The following RPH3AL variants were observed in gnomAD, a reference collection of about 807,000 sequenced individuals.
RPH3AL encodes the protein rab effector Noc2.
In RPH3AL, 38 loss-of-function variants were observed where a neutral mutation model predicts 43.1. The ratio of observed to expected loss-of-function variants is 0.88; its 90% CI spans 0.68 to 1.15. The LOEUF (loss-of-function observed/expected upper bound fraction) is 1.15. RPH3AL is among the 50% of genes most tolerant of loss of function. The pLI, the probability that RPH3AL is intolerant of heterozygous loss-of-function variation, is 0.00. For synonymous variants in RPH3AL, 189 were observed against 176.3 expected (o/e 1.07, Z -0.57); for missense variants, 462 against 423.2 (o/e 1.09, Z -0.81).
At position 345,197 on chromosome 17, in the gene RPH3AL, T is replaced by C. The variant is rs1396698233; in HGVS notation, c.-213+7515A>G. The stretch of plus-strand genomic sequence containing the variant: ...GGGAGGCTGAGGTAGGAGGGTCACC[T>C]GAGCCTGGGGAGGTTAAGCCTGCAG... On this transcript the variant is annotated intron_variant, in intron 1 of 9. Coordinates refer to ENST00000331302, the MANE Select transcript of RPH3AL (RefSeq NM_006987.4). 1.5e-5 allele frequency among the ~76,000 whole-genome samples: 2 copies of C among 135,434 alleles called. 1 individual carries two copies. The highest frequency in any genetic ancestry group is 3.4e-5 in the Non-Finnish European group (2 of 59,302). The allele number at this position is 135,434 out of a possible 152,430, so 88.8% of individuals were successfully genotyped here.
At chr17:336,647 C>T (rs931694002) in intron 1 of RPH3AL, among the ~76,000 whole-genome samples, 4 of 152,212 alleles carry the variant, frequency 2.6e-5, no homozygotes, top group Non-Finnish European at 5.9e-5. Flanking sequence ...CCAGGTCAGG[C>T]CGTGTGATTC....
intron 5 of RPH3AL, among the ~76,000 whole-genome samples, chr17:305,231 G>A (rs1336166259): frequency 6.6e-6 from 1 of 151,970 alleles, no homozygotes; most frequent in Non-Finnish European, 1.5e-5. Context: ...AACAGCCAGA[G>A]GTACAACCTC....
Position 247,020 on chromosome 17 carries a change from C to T in RPH3AL, c.613+91G>A, listed in dbSNP as rs547114740. 1,098 of 1,381,160 alleles carry T rather than the reference C, an allele frequency of 7.9e-4. 1 individual carries two copies. The highest frequency in any genetic ancestry group is 1.1e-3 in the Non-Finnish European group (1,054 of 977,738). The allele number at this position is 1,381,160 out of a possible 1,614,324, so 85.6% of individuals were successfully genotyped here. A position where few individuals can be genotyped will look rare whatever the true frequency, so the allele number is the denominator to read the frequency against. On this transcript the variant is annotated intron_variant, in intron 7 of 9. Coordinates refer to ENST00000331302, the MANE Select transcript of RPH3AL (RefSeq NM_006987.4). ...GAATGAGCCTCGTGGATGGAGGGTG[C>T]GGGGGACTGGCCTTGTGCCTGCAAA...
At chr17:320,782 C>T (rs983307710) in intron 4 of RPH3AL, among the ~76,000 whole-genome samples, 9 of 152,258 alleles carry the variant, frequency 5.9e-5, no homozygotes, top group Non-Finnish European at 1.3e-4. Flanking sequence ...GAATTGCTTT[C>T]GTAATTAAAC....
intron 5 of RPH3AL, among the ~76,000 whole-genome samples, chr17:315,607 G>GTAGTCCCTGTACCCC (rs2044005576): frequency 8.7e-6 from 1 of 115,136 alleles, no homozygotes; most frequent in Admixed American, 9.6e-5. Context: ...CACCTCCACT[G>GTAGTCCCTGTACCCC]AACTCTAGTC....
At position 264,472 on chromosome 17, in the gene RPH3AL, G is replaced by A. The variant is rs1193164291; in HGVS notation, c.439-17187C>T. 6.7e-6 allele frequency among the ~76,000 whole-genome samples: 1 copy of A among 149,414 alleles called. No homozygotes were observed. The highest frequency in any genetic ancestry group is 6.7e-5 in the Admixed American group (1 of 14,954). Reference sequence around the variant, plus strand: ...AGGATTACCCTTCGGAGCCGCGAGCGCTGGATGGGGACTCAGAATCCGCAG... The same window carrying A: ...AGGATTACCCTTCGGAGCCGCGAGCACTGGATGGGGACTCAGAATCCGCAG... On this transcript the variant is annotated intron_variant, in intron 6 of 9. Transcript: ENST00000331302. This position sits in a 1 kb window ranked among gnomAD's most constrained non-coding sequence, Gnocchi z 4.8.
Position 244,902 on chromosome 17 carries a change from C to G in RPH3AL, c.613+2209G>C, listed in dbSNP as rs1555539107. On this transcript the variant is annotated intron_variant, in intron 7 of 9. Transcript: ENST00000331302. ...GCGAGTGTGTGTGCGTGTGAATCAG[C>G]ATGTAAGCTACTGTGTGCATGAGTG... Among the ~76,000 whole-genome samples the G allele has an allele frequency of 7.3e-5, 11 of 151,502 alleles. 1 individual carries two copies.
rs782203873 is a variant in RPH3AL, at chr17:262,311, C to T, written c.439-15026G>A. ...TCGGCTCACTGCAACCTCCGCCTCC[C>T]GGGTTCAAGCAATTCTGCCTCAGCC... On this transcript the variant is annotated intron_variant, in intron 6 of 9. Transcript: ENST00000331302. Among the ~76,000 whole-genome samples the T allele has an allele frequency of 1.0e-3, 159 of 152,148 alleles. 1 individual carries two copies. Among genetic ancestry groups the T allele is most frequent in the Non-Finnish European group, 4.4e-4 (30 of 68,004 alleles).
At chr17:350,605 T>C (rs575388898) in intron 1 of RPH3AL, among the ~76,000 whole-genome samples, 2 of 151,958 alleles carry the variant, frequency 1.3e-5, no homozygotes, top group Non-Finnish European at 1.5e-5. Flanking sequence ...CAAGACCCCA[T>C]CTCAAAAAAA....
At chr17:299,001 G>A (rs114754294) in intron 5 of RPH3AL, among the ~76,000 whole-genome samples, 2,078 of 151,688 alleles carry the variant, frequency 0.014, 47 homozygotes, top group African/African-American at 0.048. Context: ...TGAGGGCCTC[G>A]GATACCACGT....
chr17:318,227 C>A (rs767798628), intron 5 of RPH3AL, among the ~76,000 whole-genome samples: 1 of 151,844 alleles, frequency 6.6e-6, no homozygotes. Context: ...TACTAAAATT[C>A]AAAAATTAGC....
In RPH3AL at chr17:286,906, CG is replaced by C. The variant is rs1567615398; in HGVS notation, c.352-5053del. Among the ~76,000 whole-genome samples, 18 of 143,814 alleles carry C rather than the reference CG, an allele frequency of 1.3e-4. 4 individuals are homozygous for C. The highest frequency in any genetic ancestry group is 4.2e-4 in the East Asian group (2 of 4,816). The allele number at this position is 143,814 out of a possible 152,430, so 94.3% of individuals were successfully genotyped here. A position where few individuals can be genotyped will look rare whatever the true frequency, so the allele number is the denominator to read the frequency against. On this transcript the variant is annotated intron_variant, in intron 5 of 9. Transcript: ENST00000331302. ...CACACAACTCCAGGCTTTCAGACCT[CG>C]CACCCTCTCTCTCCACCGTCAGACC... is the stretch of plus-strand genomic sequence containing the variant.
chr17:334,398 C>T (rs1330779139), intron 1 of RPH3AL, among the ~76,000 whole-genome samples: 2 of 152,250 alleles, frequency 1.3e-5, no homozygotes, highest in Middle Eastern at 3.2e-3. Flanking sequence ...GTCTCTAGCC[C>T]GTCCACTGCG....
At chr17:253,002 C>T (rs570892525) in intron 6 of RPH3AL, among the ~76,000 whole-genome samples, 72 of 152,302 alleles carry the variant, frequency 4.7e-4, no homozygotes, top group African/African-American at 1.6e-3. Context: ...GAGGAAAAGC[C>T]ACATTCCCAG....
chr17:292,905 T>G (rs2043079640), intron 5 of RPH3AL, among the ~76,000 whole-genome samples: 1 of 152,232 alleles, frequency 6.6e-6, no homozygotes, highest in African/African-American at 2.4e-5. Context: ...AGGCACAGCC[T>G]TAATGCCAGC....
rs71143481 is a variant in RPH3AL at position 232,829 on chromosome 17, C to CGTGTGTGT, written c.614-13101_614-13094dup. Among the ~76,000 whole-genome samples, 545 of 119,482 alleles carry CGTGTGTGT rather than the reference C, an allele frequency of 4.6e-3. 12 individuals are homozygous for CGTGTGTGT. Among genetic ancestry groups the CGTGTGTGT allele is most frequent in the African/African-American group, 6.2e-3 (189 of 30,498 alleles). 78.4% of individuals were successfully genotyped at this position (119,482 alleles called of 152,430 possible). A position where few individuals can be genotyped will look rare whatever the true frequency, so the allele number is the denominator to read the frequency against. On this transcript the variant is annotated intron_variant, in intron 7 of 9. Coordinates refer to ENST00000331302, the MANE Select transcript of RPH3AL (RefSeq NM_006987.4). The stretch of plus-strand genomic sequence containing the variant: ...CTTGTCTCTAAACAGTCCTTTCCGG[C>CGTGTGTGT]GTGTGTGTGTGTGTGTGTGTGTGTG...
chr17:243,727 C>G (rs1301993497), intron 7 of RPH3AL, among the ~76,000 whole-genome samples: 2 of 143,870 alleles, frequency 1.4e-5, no homozygotes, highest in South Asian at 2.4e-4. Flanking sequence ...TACCCTTCCT[C>G]TATTGATTAC....
chr17:316,878 C>G (rs1190403167), intron 5 of RPH3AL, among the ~76,000 whole-genome samples: 4 of 151,926 alleles, frequency 2.6e-5, no homozygotes, highest in African/African-American at 9.7e-5. Context: ...TGTGCTCCAC[C>G]TCCATTGACC....
chr17:313,500 T>A (rs2043702989), intron 5 of RPH3AL, among the ~76,000 whole-genome samples: 1 of 152,196 alleles, frequency 6.6e-6, no homozygotes, highest in Non-Finnish European at 1.5e-5. Flanking sequence ...TGCCGTTCCC[T>A]CTGCCGGGAA....
Sources: gnomAD v4.1 joint callset for allele counts (sites outside exome capture counted in the v4.1 genomes callset) on GRCh38, gnomAD v4.1.1 for gene constraint, Gnocchi (gnomAD v3.1) non-coding constraint, MANE v1.5 for transcripts, NCBI Gene and HGNC (gene_info 2026-07-23, HGNC 2026-07-21) for gene names.